The following ZCWPW2 variants were observed in gnomAD, a reference collection of about 807,000 sequenced individuals.
The protein encoded by ZCWPW2 is zinc finger CW-type PWWP domain protein 2.
A neutral mutation model predicts 46.6 loss-of-function variants in ZCWPW2; 45 were observed. That is an observed-to-expected ratio of 0.96 (90% CI 0.76 to 1.24). The LOEUF (loss-of-function observed/expected upper bound fraction) is 1.24, where lower values mean the gene tolerates loss of function less well. Ranked by LOEUF, ZCWPW2 falls within the 50% of genes most tolerant of loss-of-function variation. The probability of loss-of-function intolerance (pLI) is 0.00; values close to 1 mark genes in which losing one functional copy is unlikely to be tolerated. For missense variants in ZCWPW2, 429 were observed against 403.9 expected (o/e 1.06, Z -0.53); for synonymous variants, 152 against 137.1 (o/e 1.11, Z -0.76).
At chr3:28,361,335 A>G (rs1454596532) in intron 1 of ZCWPW2, among the ~76,000 whole-genome samples, 1 of 152,232 alleles carries the variant, frequency 6.6e-6, no homozygotes, top group African/African-American at 2.4e-5. Context: ...ATGCGAAAGA[A>G]TGAAATTGGA....
chr3:28,495,379 A>G (rs1699954466), intron 6 of ZCWPW2, among the ~76,000 whole-genome samples: 1 of 152,144 alleles, frequency 6.6e-6, no homozygotes, highest in South Asian at 2.1e-4. Context: ...TAATGTGGAT[A>G]GGTTTATTTC....
At chr3:28,499,120 G>A (rs1272375950) in intron 6 of ZCWPW2, among the ~76,000 whole-genome samples, 2 of 152,146 alleles carry the variant, frequency 1.3e-5, no homozygotes, top group Admixed American at 6.6e-5. Flanking sequence ...GTGTGCATGT[G>A]TCTTTATAGT....
chr3:28,421,291 T>C lies in ZCWPW2; in HGVS notation c.332+7891T>C, dbSNP rs146183688. 2.5e-3 allele frequency among the ~76,000 whole-genome samples: 387 copies of C among 152,114 alleles called. 1 individual carries two copies. Among genetic ancestry groups the C allele is most frequent in the African/African-American group, 8.5e-3 (351 of 41,514 alleles). On this transcript the variant is annotated intron_variant, in intron 3 of 9. Coordinates refer to ENST00000383768, the MANE Select transcript of ZCWPW2 (RefSeq NM_001040432.4). ...CAGGTGAACTTCACTGACACCATAG[T>C]GGGAGGGTCTTATTAACCCTGGAAG... is the stretch of plus-strand genomic sequence containing the variant.
In ZCWPW2 at chr3:28,473,553, C is replaced by T. The variant is rs865879196; in HGVS notation, c.493-5261C>T. Among the ~76,000 whole-genome samples the T allele has an allele frequency of 2.4e-4, 37 of 151,630 alleles. No individual in the cohort carries two copies. The Middle Eastern group carries it at 0.017, about 71-fold the overall frequency. Reference sequence around the variant, plus strand: ...TGTATATACCCAAAAGAAAGGAAATCGGTTTATTGAAGAGATAATCTACAC... The same window carrying T: ...TGTATATACCCAAAAGAAAGGAAATTGGTTTATTGAAGAGATAATCTACAC... On this transcript the variant is annotated intron_variant, in intron 4 of 9. Coordinates refer to ENST00000383768, the MANE Select transcript of ZCWPW2 (RefSeq NM_001040432.4).
intron 1 of ZCWPW2, among the ~76,000 whole-genome samples, chr3:28,390,038 A>G (rs1351463556): frequency 6.6e-6 from 1 of 152,162 alleles, no homozygotes; most frequent in Non-Finnish European, 1.5e-5. Context: ...CCTAGGCACC[A>G]TGGCCCAGCC....
intron 4 of ZCWPW2, among the ~76,000 whole-genome samples, chr3:28,476,080 A>G (rs1559520529): frequency 6.6e-6 from 1 of 151,122 alleles, no homozygotes; most frequent in South Asian, 2.1e-4. Flanking sequence ...TATTCCTAAC[A>G]TTCATTATAT....
intron 6 of ZCWPW2, among the ~76,000 whole-genome samples, chr3:28,494,509 T>TA (rs377089294): frequency 5.9e-4 from 90 of 151,454 alleles, no homozygotes; most frequent in Non-Finnish European, 1.2e-3. Context: ...CATTGATCTA[T>TA]ATCTCTGTTT....
rs1165648687 is a variant in ZCWPW2 at position 28,349,173 on chromosome 3, A to T, written c.-164A>T. 2 of 985,440 alleles carry T rather than the reference A, an allele frequency of 2.0e-6. No homozygotes were observed. The highest frequency in any genetic ancestry group is 3.5e-5 in the African/African-American group (2 of 57,186). The allele number at this position is 985,440 out of a possible 1,614,324, so 61.0% of individuals were successfully genotyped here. ...CGGCGGGACGGGGCGGGGCCGCGGGACGCCAGGAGGCGGAGGCGGAGTGGA... is the reference window on the plus strand; with the variant it reads ...CGGCGGGACGGGGCGGGGCCGCGGGTCGCCAGGAGGCGGAGGCGGAGTGGA... On this transcript the variant is annotated 5_prime_UTR_variant, in exon 1 of 10. Coordinates refer to ENST00000383768, the MANE Select transcript of ZCWPW2 (RefSeq NM_001040432.4).
At chr3:28,387,960 G>T (rs979738488) in intron 1 of ZCWPW2, among the ~76,000 whole-genome samples, 13 of 152,176 alleles carry the variant, frequency 8.5e-5, no homozygotes, top group Admixed American at 7.2e-4. Context: ...TGTATGTATA[G>T]AGAGAGATTT....
chr3:28,492,279 C>A, intron 6 of ZCWPW2, 106 bp downstream of exon 6: 1 of 1,025,124 alleles, frequency 9.8e-7, no homozygotes, highest in Non-Finnish European at 1.4e-6. Flanking sequence ...ACATACAATC[C>A]ATTTTTTCTT....
At chr3:28,474,629 G>A (rs185503263) in intron 4 of ZCWPW2, among the ~76,000 whole-genome samples, 34 of 150,906 alleles carry the variant, frequency 2.3e-4, no homozygotes, top group East Asian at 7.8e-4. Context: ...GTGCGCGCGC[G>A]CGCGCGCGCA....
At chr3:28,434,884 T>G (rs1229360541) in intron 3 of ZCWPW2, among the ~76,000 whole-genome samples, 1 of 152,234 alleles carries the variant, frequency 6.6e-6, no homozygotes, top group East Asian at 1.9e-4. Context: ...TCATGTCTTA[T>G]CTATATCTTA....
chr3:28,498,223 T>C (rs995882435), intron 6 of ZCWPW2, among the ~76,000 whole-genome samples: 4 of 142,800 alleles, frequency 2.8e-5, no homozygotes, highest in Admixed American at 2.3e-4. Flanking sequence ...GTATATATAT[T>C]TATATACATA....
chr3:28,397,128 CA>C (rs35842436), intron 2 of ZCWPW2, among the ~76,000 whole-genome samples: 330 of 137,126 alleles, frequency 2.4e-3, no homozygotes, highest in Middle Eastern at 7.9e-3. Context: ...TACTCTGTCT[CA>C]AAAAAAAAAA....
At chr3:28,465,193 C>T (rs1333353834) in intron 4 of ZCWPW2, among the ~76,000 whole-genome samples, 1 of 152,068 alleles carries the variant, frequency 6.6e-6, no homozygotes, top group Non-Finnish European at 1.5e-5. Context: ...ATATTTATCT[C>T]TTTAAATGCT....
chr3:28,369,092 T>C (rs1417931348), intron 1 of ZCWPW2, among the ~76,000 whole-genome samples: 5 of 152,144 alleles, frequency 3.3e-5, no homozygotes, highest in African/African-American at 1.2e-4. Flanking sequence ...AACTTCTTTG[T>C]GATGGGTTCG....
chr3:28,424,228 A>AACACACACACACACAC lies in ZCWPW2; in HGVS notation c.332+10854_333-10841dup, dbSNP rs55725925. On this transcript the variant is annotated intron_variant, in intron 3 of 9. Coordinates refer to ENST00000383768, the MANE Select transcript of ZCWPW2 (RefSeq NM_001040432.4). Reference sequence around the variant, plus strand: ...AGAGAGACTGTGGTGGTCTTATTCCAACACACACACACACACACACACACA... The same window carrying AACACACACACACACAC: ...AGAGAGACTGTGGTGGTCTTATTCCAACACACACACACACACACACACACACACACACACACACACA... 1.3e-3 allele frequency among the ~76,000 whole-genome samples: 174 copies of AACACACACACACACAC among 138,956 alleles called. 2 individuals carry two copies. The highest frequency in any genetic ancestry group is 4.4e-3 in the African/African-American group (162 of 37,076). 91.2% of individuals were successfully genotyped at this position (138,956 alleles called of 152,430 possible).
intron 1 of ZCWPW2, among the ~76,000 whole-genome samples, chr3:28,362,918 G>A (rs1704995737): frequency 1.3e-5 from 2 of 152,066 alleles, no homozygotes; most frequent in African/African-American, 4.8e-5. Flanking sequence ...GCAGGAACAT[G>A]GATGGAGCTG....
At chr3:28,417,137 A>T (rs993268772) in intron 3 of ZCWPW2, among the ~76,000 whole-genome samples, 1 of 150,698 alleles carries the variant, frequency 6.6e-6, no homozygotes, top group Non-Finnish European at 1.5e-5. Flanking sequence ...GACAAAGGGG[A>T]TATCACTGCT....
Sources: gnomAD v4.1 joint callset for allele counts (sites outside exome capture counted in the v4.1 genomes callset) on GRCh38, gnomAD v4.1.1 for gene constraint, MANE v1.5 for transcripts, NCBI Gene and HGNC (gene_info 2026-07-23, HGNC 2026-07-21) for gene names.